The following MAF variants were observed in gnomAD, a reference collection of about 807,000 sequenced individuals.
MAF encodes the protein transcription factor Maf.
A neutral mutation model predicts 22.0 loss-of-function variants in MAF; 10 were observed. The observed-to-expected ratio is 0.45, with a 90% CI of 0.28 to 0.77. MAF has a LOEUF of 0.77. MAF is among the 30% of genes least tolerant of loss of function. The pLI, the probability that MAF is intolerant of heterozygous loss-of-function variation, is 0.12. For missense variants in MAF, 544 were observed against 548.4 expected, an observed-to-expected ratio of 0.99 and a Z score of 0.08; for synonymous variants, 337 against 255.8, an observed-to-expected ratio of 1.32 and a Z score of -3.03.
chr16:79,499,670 A>C, the MAF span, among the ~76,000 whole-genome samples: 1 of 152,196 alleles, frequency 6.6e-6, no homozygotes, highest in Non-Finnish European at 1.5e-5. Flanking sequence ...CCATCCACGA[A>C]CTAGGAAGTG....
the MAF span, among the ~76,000 whole-genome samples, chr16:79,528,192 C>G: frequency 6.6e-6 from 1 of 152,176 alleles, no homozygotes; most frequent in African/African-American, 2.4e-5. Context: ...TGCCAGGGAT[C>G]TCATATTCCA....
At chr16:79,211,959 A>G in the MAF span, 1 of 1,536,178 alleles carries the variant, frequency 6.5e-7, no homozygotes, top group Admixed American at 2.0e-5. Context: ...TACCAATGGG[A>G]AGCAGGGAAT....
the MAF span, among the ~76,000 whole-genome samples, chr16:79,535,846 C>T: frequency 4.6e-5 from 7 of 152,134 alleles, no homozygotes; most frequent in Admixed American, 3.3e-4. Flanking sequence ...GCTGGGATTA[C>T]AGGCATGAGC....
chr16:79,359,168 C>G, the MAF span, among the ~76,000 whole-genome samples: 1 of 152,174 alleles, frequency 6.6e-6, no homozygotes, highest in Admixed American at 6.5e-5. Context: ...CATATGCATG[C>G]CCCACAGTAG....
the MAF span, among the ~76,000 whole-genome samples, chr16:79,270,228 AG>A: frequency 8.5e-3 from 1,293 of 152,176 alleles, 14 homozygotes; most frequent in African/African-American, 0.029. Context: ...CCTTTAAAAA[AG>A]CATCCTAGTG....
chr16:79,505,894 C>A, the MAF span, among the ~76,000 whole-genome samples: 1 of 150,852 alleles, frequency 6.6e-6, no homozygotes. Flanking sequence ...ACATGGCAGA[C>A]AAAATCTGCA....
chr16:79,305,605 C>T, the MAF span, among the ~76,000 whole-genome samples: 2 of 152,170 alleles, frequency 1.3e-5, no homozygotes, highest in Non-Finnish European at 2.9e-5. Context: ...TTTAGACCCT[C>T]CTGGTGCACC....
chr16:79,214,066 C>T, the MAF span, among the ~76,000 whole-genome samples: 1 of 152,146 alleles, frequency 6.6e-6, no homozygotes, highest in Non-Finnish European at 1.5e-5. Flanking sequence ...GCTTTCCTTC[C>T]AGAAACCAGC....
At chr16:79,309,100 A>C in the MAF span, among the ~76,000 whole-genome samples, 1 of 152,180 alleles carries the variant, frequency 6.6e-6, no homozygotes, top group African/African-American at 2.4e-5. Context: ...AGGGAACAAA[A>C]GGCTATAGCA....
chr16:79,466,174 T>C, the MAF span, among the ~76,000 whole-genome samples: 1 of 152,194 alleles, frequency 6.6e-6, no homozygotes, highest in Non-Finnish European at 1.5e-5. Flanking sequence ...AGGGTTACTT[T>C]CCCTGAATCA....
At chr16:79,391,509 G>A in the MAF span, among the ~76,000 whole-genome samples, 1 of 152,110 alleles carries the variant, frequency 6.6e-6, no homozygotes, top group African/African-American at 2.4e-5. Context: ...AGAGTTGGCA[G>A]GAAATGGTGT....
At chr16:79,531,691 A>G in the MAF span, among the ~76,000 whole-genome samples, 3 of 152,146 alleles carry the variant, frequency 2.0e-5, no homozygotes, top group Non-Finnish European at 4.4e-5. Context: ...CTGATATAGC[A>G]GGAGGCAGCA....
chr16:79,324,874 G>C, the MAF span, among the ~76,000 whole-genome samples: 1 of 152,034 alleles, frequency 6.6e-6, no homozygotes, highest in Admixed American at 6.6e-5. Flanking sequence ...GGTGTCAGCA[G>C]GATCATGCTC....
At chr16:79,437,218 T>C in the MAF span, among the ~76,000 whole-genome samples, 1 of 151,904 alleles carries the variant, frequency 6.6e-6, no homozygotes, top group Admixed American at 6.6e-5. Context: ...GAAGAGAGCA[T>C]GCTGTAAGGA....
At chr16:79,237,768 T>G in the MAF span, among the ~76,000 whole-genome samples, 10,994 of 152,210 alleles carry the variant, frequency 0.072, 588 homozygotes, top group Middle Eastern at 0.15. Context: ...ATTTCTGCCC[T>G]TGATCCACCA....
At chr16:79,298,463 C>T in the MAF span, among the ~76,000 whole-genome samples, 8 of 152,218 alleles carry the variant, frequency 5.3e-5, no homozygotes, top group African/African-American at 1.9e-4. Context: ...AGGACTATAA[C>T]AACCATATAT....
At chr16:79,375,824 G>C in the MAF span, among the ~76,000 whole-genome samples, 2 of 152,114 alleles carry the variant, frequency 1.3e-5, no homozygotes, top group Non-Finnish European at 2.9e-5. Context: ...TCACTCCCTT[G>C]TGGTTCCCAG....
chr16:79,517,475 C>G, the MAF span, among the ~76,000 whole-genome samples: 3 of 151,582 alleles, frequency 2.0e-5, no homozygotes, highest in African/African-American at 7.3e-5. Context: ...AAATAAAGTT[C>G]AAATAAGTGA....
At chr16:79,228,662 GAT>G in the MAF span, among the ~76,000 whole-genome samples, 1 of 151,994 alleles carries the variant, frequency 6.6e-6, no homozygotes, top group African/African-American at 2.4e-5. Flanking sequence ...AGGCATGAAA[GAT>G]AGAGGAAAAG....
Sources: allele counts gnomAD v4.1 joint callset (sites outside exome capture counted in the v4.1 genomes callset), GRCh38; gene constraint gnomAD v4.1.1; transcripts MANE v1.5; gene names NCBI Gene and HGNC (gene_info 2026-07-23, HGNC 2026-07-21).